Variants in CFAP74 observed in about 807,000 individuals in gnomAD.
CFAP74 encodes cilia- and flagella-associated protein 74.
A neutral mutation model predicts 188.9 loss-of-function variants in CFAP74; 124 were observed. That is an observed-to-expected ratio of 0.66 (90% CI 0.57 to 0.76). The LOEUF (loss-of-function observed/expected upper bound fraction) is 0.76, where lower values mean the gene tolerates loss of function less well. CFAP74 is among the 30% of genes least tolerant of loss of function. The pLI is 0.00. For synonymous variants in CFAP74, 956 were observed against 916.7 expected (o/e 1.04, Z -0.77); for missense variants, 2,198 against 2,165.2 (o/e 1.02, Z -0.30).
rs1657378635 is a variant in CFAP74 at position 1,988,525 on chromosome 1, TG to T, written c.282del (p.Phe94LeufsTer5). On this transcript the variant is annotated frameshift_variant, in exon 4 of 39. Transcript: ENST00000682832. LOFTEE classifies it high-confidence loss of function. ...LDKMHEEQEL[F>X]TEKMRGELRA... ...GCCCCAGCTCACCTCATCTTCTCAG[TG>T]AAAAGCTCTTGCTCCTCATGCATCT... The T allele has an allele frequency of 1.9e-6, 3 of 1,612,314 alleles. No individual in the cohort carries two copies. Among genetic ancestry groups the T allele is most frequent in the African/African-American group, 2.7e-5 (2 of 74,922 alleles).
intron 1 of CFAP74, among the ~76,000 whole-genome samples, chr1:1,993,846 G>GGA (rs1657751655): frequency 6.6e-6 from 1 of 151,186 alleles, no homozygotes; most frequent in African/African-American, 2.4e-5. Context: ...GCCGGGCGTG[G>GGA]TGGCGGGCGC....
In CFAP74 at chr1:1,995,279, A is replaced by C. The variant is rs189727308; in HGVS notation, c.-19-4304T>G. On this transcript the variant is annotated intron_variant, in intron 1 of 38. Coordinates refer to ENST00000682832, the MANE Select transcript of CFAP74 (RefSeq NM_001304360.2). ...TTTGGGAAGCCGAGGTGGGCGGATC[A>C]CTTAAGGTTTGAGACCAGCCTGGCC... 1.3e-5 allele frequency among the ~76,000 whole-genome samples: 2 copies of C among 152,232 alleles called. 1 individual carries two copies. The highest frequency in any genetic ancestry group is 3.9e-4 in the East Asian group (2 of 5,180).
At chr1:1,941,628 G>C (rs765504279) in intron 22 of CFAP74, among the ~76,000 whole-genome samples, 1 of 152,170 alleles carries the variant, frequency 6.6e-6, no homozygotes, top group South Asian at 2.1e-4. Context: ...CAGCGGGGGA[G>C]TGCACGGACC....
Position 1,942,265 on chromosome 1 carries a change from G to A in CFAP74, c.2487-109C>T, listed in dbSNP as rs1653433978. 5 of 1,145,576 alleles carry A rather than the reference G, an allele frequency of 4.4e-6. No homozygotes were observed. In the South Asian group the frequency reaches 8.7e-5, roughly 20 times the overall value. The allele number at this position is 1,145,576 out of a possible 1,614,324, so 71.0% of individuals were successfully genotyped here. A position where few individuals can be genotyped will look rare whatever the true frequency, so the allele number is the denominator to read the frequency against. ...TCTGGCACCCAAGCCCCCGAGAGGT[G>A]CTCAGAGCCCACCCACTCCAAGCCA... On this transcript the variant is annotated intron_variant, in intron 21 of 38. Transcript: ENST00000682832. The surrounding 1 kb of genome is among the most constrained non-coding windows in gnomAD (Gnocchi z 4.3).
chr1:1,970,399 G>C (rs1655863226), intron 10 of CFAP74, among the ~76,000 whole-genome samples: 7 of 152,200 alleles, frequency 4.6e-5, no homozygotes, highest in Admixed American at 4.6e-4. Flanking sequence ...AGGGGCCGGG[G>C]TTTCAGCGTC....
Position 1,925,897 on chromosome 1 carries a change from G to A in CFAP74, c.3990C>T (p.Leu1330=). The change falls in exon 33 of 39, where the codon CTC becomes CTT. Residue 1330 remains leucine, a synonymous_variant. Transcript: ENST00000682832. The part of the protein sequence containing the change: ...TLDIITKRGT[L]TLTLMGTGVA... Reference sequence around the variant, plus strand: ...CGCCAGTGCCCATGAGGGTGAGGGTGAGCGTGCCTCTCTTGGTGATGATGT... The same window carrying A: ...CGCCAGTGCCCATGAGGGTGAGGGTAAGCGTGCCTCTCTTGGTGATGATGT... 1 of 1,612,558 alleles carries A rather than the reference G, an allele frequency of 6.2e-7. No individual in the cohort carries two copies. The highest frequency in any genetic ancestry group is 8.5e-7 in the Non-Finnish European group (1 of 1,179,856).
Position 1,923,878 on chromosome 1 carries a change from C to T in CFAP74, c.4286G>A (p.Gly1429Asp). 1.2e-6 allele frequency: 2 copies of T among 1,613,146 alleles called. No homozygotes were observed. The highest frequency in any genetic ancestry group is 1.7e-6 in the Non-Finnish European group (2 of 1,179,758). Residue 1429 changes from glycine (G) to aspartate (D), a missense_variant, in exon 35 of 39, where the codon GGC becomes GAC. Transcript: ENST00000682832. This position sits in a 1 kb window ranked among gnomAD's most constrained non-coding sequence, Gnocchi z 6.3. ...TTGTGTCTTCCCGGGGTCCATGACG[C>T]CCTTGACGGGGGCCACGCTGAACAC... is the stretch of plus-strand genomic sequence containing the variant. ...QSVFSVAPVK[G>D]VMDPGKTQDF...
chr1:1,992,912 A>G (rs962270124), intron 1 of CFAP74, among the ~76,000 whole-genome samples: 3 of 152,010 alleles, frequency 2.0e-5, no homozygotes, highest in African/African-American at 4.8e-5. Context: ...ATTTCACTTA[A>G]GAAACAGGCC....
In CFAP74 at chr1:1,992,948, C is replaced by G. The variant is rs1276051540; in HGVS notation, c.-19-1973G>C. Among the ~76,000 whole-genome samples, 9 of 151,748 alleles carry G rather than the reference C, an allele frequency of 5.9e-5. 1 individual carries two copies. The highest frequency in any genetic ancestry group is 1.5e-5 in the Non-Finnish European group (1 of 67,930). ...GGGCACAGTGGCTCGCGCTTATAAT[C>G]CCAGCACTTTGGGAGGCCAAGGTGG... is the stretch of plus-strand genomic sequence containing the variant. On this transcript the variant is annotated intron_variant, in intron 1 of 38. Coordinates refer to ENST00000682832, the MANE Select transcript of CFAP74 (RefSeq NM_001304360.2).
In CFAP74 at chr1:1,971,373, TCACA is replaced by T. The variant is rs370414181; in HGVS notation, c.889-561_889-558del. ...CACATGCACACCTGCACACACACGGTCACACATGCACACACGTGCACACACGGTC... is the reference window on the plus strand; with the variant it reads ...CACATGCACACCTGCACACACACGGTCATGCACACACGTGCACACACGGTC... On this transcript the variant is annotated intron_variant, in intron 9 of 38. Transcript: ENST00000682832. 2.3e-4 allele frequency among the ~76,000 whole-genome samples: 33 copies of T among 141,902 alleles called. No homozygotes were observed. In the East Asian group the frequency reaches 7.1e-3, roughly 31 times the overall value. 93.1% of individuals were successfully genotyped at this position (141,902 alleles called of 152,430 possible).
Position 1,968,663 on chromosome 1 carries a change from G to C in CFAP74, c.1217C>G (p.Thr406Ser), listed in dbSNP as rs199580948. 1.2e-6 allele frequency: 2 copies of C among 1,603,302 alleles called. No homozygotes were observed. Among genetic ancestry groups the C allele is most frequent in the Non-Finnish European group, 1.7e-6 (2 of 1,174,664 alleles). The change falls in exon 11 of 39, where the codon ACC becomes AGC. Residue 406 changes from threonine (T) to serine (S), a missense_variant. Thr to Ser is a moderately conservative substitution (Grantham distance 58). Transcript: ENST00000682832. This position sits in a 1 kb window ranked among gnomAD's most constrained non-coding sequence, Gnocchi z 4.3. ...WNYISDFCKKTTVPTNTYTLD... is the reference protein window; with the variant it reads ...WNYISDFCKKSTVPTNTYTLD... The stretch of plus-strand genomic sequence containing the variant: ...TGTGTACGTGTTGGTTGGGACTGTG[G>C]TCTTCTTGCAAAAGTCAGAAATGTA...
intron 1 of CFAP74, among the ~76,000 whole-genome samples, chr1:2,001,340 T>A (rs1658193848): frequency 6.6e-6 from 1 of 151,686 alleles, no homozygotes. Context: ...TTTTGTTTTT[T>A]TTTTTTTGAG....
intron 1 of CFAP74, among the ~76,000 whole-genome samples, chr1:2,003,212 T>C (rs1275983118): frequency 6.6e-6 from 1 of 152,220 alleles, no homozygotes; most frequent in African/African-American, 2.4e-5. Context: ...TCTTTTCAAC[T>C]GTGGGCCCTA....
chr1:1,955,125 T>A lies in CFAP74; in HGVS notation c.2176+566A>T, dbSNP rs1312812279. 3.4e-6 allele frequency: 4 copies of A among 1,185,976 alleles called. No homozygotes were observed. The African/African-American group carries it at 6.9e-5, about 21-fold the overall frequency. The allele number at this position is 1,185,976 out of a possible 1,614,324, so 73.5% of individuals were successfully genotyped here. A position where few individuals can be genotyped will look rare whatever the true frequency, so the allele number is the denominator to read the frequency against. On this transcript the variant is annotated intron_variant, in intron 18 of 38. Transcript: ENST00000682832. Reference sequence around the variant, plus strand: ...GAACCGGCCCAGCTCCGCGCTGAGCTGCAGGGCGTGCGGAACGCGCACCAC... The same window carrying A: ...GAACCGGCCCAGCTCCGCGCTGAGCAGCAGGGCGTGCGGAACGCGCACCAC...
intron 25 of CFAP74, 33 bp downstream of exon 25, chr1:1,938,822 G>C: frequency 6.5e-7 from 1 of 1,533,196 alleles, no homozygotes; most frequent in Non-Finnish European, 8.7e-7. Context: ...GGCACTCCAG[G>C]CCCCCTGCGT....
chr1:1,922,995 G>C lies in CFAP74; in HGVS notation c.4673C>G (p.Ser1558Cys). 6.3e-7 allele frequency: 1 copy of C among 1,580,320 alleles called. No individual in the cohort carries two copies. The highest frequency in any genetic ancestry group is 8.6e-7 in the Non-Finnish European group (1 of 1,167,024). Residue 1558 changes from serine to cysteine, a missense_variant, in exon 37 of 39, where the codon TCT (serine) becomes TGT (cysteine). Physicochemically the swap from Ser to Cys is moderately radical, Grantham distance 112. Transcript: ENST00000682832. ...QVGCIRTTQP[S>C]PKKTVEFSID... ...CAGTGCTGTGGGCACCTTCTTTGGA[G>C]ATGGCTGGGTGGTCCGGATACAGCC...
In CFAP74 at chr1:1,955,810, T is replaced by G. The variant is rs746111410; in HGVS notation, c.2057A>C (p.Lys686Thr). The G allele has an allele frequency of 6.2e-7, 1 of 1,614,132 alleles. No homozygotes were observed. The highest frequency in any genetic ancestry group is 1.7e-5 in the Admixed American group (1 of 60,030). The change falls in exon 18 of 39, where the codon AAA (lysine) becomes ACA (threonine). Residue 686 changes from lysine to threonine, a missense_variant. Physicochemically the swap from Lys to Thr is moderately conservative, Grantham distance 78. Coordinates refer to ENST00000682832, the MANE Select transcript of CFAP74 (RefSeq NM_001304360.2). ...LTYEDKSLYD[K>T]AATSFSEQQL... is the part of the protein sequence containing the mutation. ...CTGCTCAGAGAAGCTGGTGGCGGCT[T>G]TGTCATACAAGCTTTTATCTTCGTA...
intron 14 of CFAP74, among the ~76,000 whole-genome samples, chr1:1,962,674 C>T (rs1655176721): frequency 6.6e-6 from 1 of 152,016 alleles, no homozygotes. Context: ...CACTTGAGCT[C>T]AGGAGTTTGA....
intron 6 of CFAP74, among the ~76,000 whole-genome samples, chr1:1,979,146 C>T (rs1489650186): frequency 1.0e-5 from 1 of 98,536 alleles, no homozygotes; most frequent in African/African-American, 3.8e-5. Flanking sequence ...CTGAGCTGGG[C>T]GTGGGAAGGC....
Sources: allele counts gnomAD v4.1 joint callset (sites outside exome capture counted in the v4.1 genomes callset), GRCh38; gene constraint gnomAD v4.1.1; non-coding constraint Gnocchi (gnomAD v3.1); transcripts MANE v1.5; gene names NCBI Gene and HGNC (gene_info 2026-07-23, HGNC 2026-07-21).